Variants in GPR137B observed in about 807,000 individuals in gnomAD.
The protein encoded by GPR137B is G protein-coupled receptor 137B.
GPR137B carries 42 observed loss-of-function variants against 42.5 expected under a neutral mutation model. That is an observed-to-expected ratio of 0.99 (90% CI 0.77 to 1.28). The LOEUF is 1.28. GPR137B is among the 50% of genes most tolerant of loss of function. The pLI, the probability that GPR137B is intolerant of heterozygous loss-of-function variation, is 0.00. For synonymous variants in GPR137B, 218 were observed against 209.7 expected (o/e 1.04, Z -0.34); for missense variants, 487 against 493.9 (o/e 0.99, Z 0.13).
intron 1 of GPR137B, among the ~76,000 whole-genome samples, chr1:236,151,365 T>C (rs891609826): frequency 5.9e-5 from 9 of 152,068 alleles, no homozygotes; most frequent in African/African-American, 2.2e-4. Flanking sequence ...CTCAAGCTTA[T>C]GTGGGTCAGG....
At chr1:236,148,735 G>T (rs1359952544) in intron 1 of GPR137B, among the ~76,000 whole-genome samples, 1 of 152,178 alleles carries the variant, frequency 6.6e-6, no homozygotes, top group African/African-American at 2.4e-5. Context: ...CCAGGGGCTC[G>T]TGGTGAGGGC....
chr1:236,207,096 CTTT>C (rs1419998718), intron 6 of GPR137B: 3 of 973,958 alleles, frequency 3.1e-6, no homozygotes, highest in South Asian at 4.7e-5. Flanking sequence ...CTTTAGAAAA[CTTT>C]TTAAGAGAGC....
chr1:236,200,453 A>G (rs1200916392), intron 5 of GPR137B, among the ~76,000 whole-genome samples: 1 of 151,920 alleles, frequency 6.6e-6, no homozygotes, highest in Non-Finnish European at 1.5e-5. Context: ...TGGAGTACTG[A>G]AGTACCCCAC....
intron 5 of GPR137B, among the ~76,000 whole-genome samples, 171 bp downstream of exon 5, chr1:236,184,077 G>C (rs1662955719): frequency 6.6e-6 from 1 of 152,096 alleles, no homozygotes; most frequent in Admixed American, 6.6e-5. Flanking sequence ...TCTTTTGAGG[G>C]AAAATGGTTT....
intron 2 of GPR137B, among the ~76,000 whole-genome samples, chr1:236,170,659 A>G (rs1662507587): frequency 6.6e-6 from 1 of 152,116 alleles, no homozygotes; most frequent in Non-Finnish European, 1.5e-5. Context: ...TTCAGATTTC[A>G]GATTTTTTTG....
chr1:236,190,807 G>A (rs2102919314), intron 5 of GPR137B, among the ~76,000 whole-genome samples: 1 of 150,158 alleles, frequency 6.7e-6, no homozygotes, highest in East Asian at 1.9e-4. Flanking sequence ...ACGATTATGT[G>A]TCTGACGATT....
chr1:236,195,852 T>C (rs1416475963), intron 5 of GPR137B, among the ~76,000 whole-genome samples: 2 of 152,232 alleles, frequency 1.3e-5, no homozygotes, highest in African/African-American at 4.8e-5. Flanking sequence ...CTGATGATCA[T>C]TGATGAACAC....
At chr1:236,188,087 T>C (rs374319327) in intron 5 of GPR137B, among the ~76,000 whole-genome samples, 2 of 152,306 alleles carry the variant, frequency 1.3e-5, no homozygotes, top group East Asian at 3.9e-4. Flanking sequence ...CTTCTTTTAG[T>C]AGCAGTTGTG....
chr1:236,191,778 A>G (rs1663198301), intron 5 of GPR137B, among the ~76,000 whole-genome samples: 1 of 152,162 alleles, frequency 6.6e-6, no homozygotes, highest in African/African-American at 2.4e-5. Flanking sequence ...ACTGGGAGGT[A>G]TCTCCCAGTC....
chr1:236,145,018 G>A (rs542451742), intron 1 of GPR137B, among the ~76,000 whole-genome samples: 1 of 152,230 alleles, frequency 6.6e-6, no homozygotes, highest in Non-Finnish European at 1.5e-5. Context: ...GGGGCCCAAA[G>A]TCACGGCCCT....
chr1:236,176,897 G>C (rs1403816965), intron 2 of GPR137B, among the ~76,000 whole-genome samples: 2 of 152,120 alleles, frequency 1.3e-5, no homozygotes, highest in Non-Finnish European at 2.9e-5. Context: ...CGTCTGTTTT[G>C]TTATAAACTG....
chr1:236,183,305 A>G (rs930015870), intron 4 of GPR137B, among the ~76,000 whole-genome samples: 10 of 152,250 alleles, frequency 6.6e-5, no homozygotes, highest in African/African-American at 2.2e-4. Flanking sequence ...GGATGAGACT[A>G]AGGGATAATA....
chr1:236,196,575 A>C (rs752597207), intron 5 of GPR137B, among the ~76,000 whole-genome samples: 15 of 152,156 alleles, frequency 9.9e-5, no homozygotes, highest in Non-Finnish European at 1.8e-4. Context: ...AGCATTGTAC[A>C]CTGTACCCAA....
At chr1:236,173,943 C>A (rs565790061) in intron 2 of GPR137B, among the ~76,000 whole-genome samples, 1 of 151,868 alleles carries the variant, frequency 6.6e-6, no homozygotes, top group African/African-American at 2.4e-5. Context: ...AAAAATTATA[C>A]AATAGAAAAA....
intron 5 of GPR137B, among the ~76,000 whole-genome samples, chr1:236,191,491 G>A (rs6696312): frequency 0.01 from 1,569 of 152,250 alleles, 33 homozygotes; most frequent in African/African-American, 0.036. Context: ...ATCTACCTTT[G>A]GTCTTTGATG....
At chr1:236,202,063 C>A (rs1254213) in intron 5 of GPR137B, among the ~76,000 whole-genome samples, 6,874 of 152,072 alleles carry the variant, frequency 0.045, 228 homozygotes, top group Non-Finnish European at 0.067. Context: ...TGGACTGGTG[C>A]TGGGGAATGT....
chr1:236,205,349 T>G, intron 6 of GPR137B, 99 bp downstream of exon 6: 1 of 1,031,114 alleles, frequency 9.7e-7, no homozygotes, highest in Non-Finnish European at 1.5e-6. Flanking sequence ...GTTAAAACTG[T>G]GCAGCCTTAG....
At chr1:236,180,424 T>G (rs1042894441) in intron 4 of GPR137B, among the ~76,000 whole-genome samples, 1 of 152,180 alleles carries the variant, frequency 6.6e-6, no homozygotes, top group Non-Finnish European at 1.5e-5. Flanking sequence ...TGGTCCTTGT[T>G]TCTGCTGGTG....
At chr1:236,189,626 T>G (rs1663132000) in intron 5 of GPR137B, among the ~76,000 whole-genome samples, 1 of 152,200 alleles carries the variant, frequency 6.6e-6, no homozygotes, top group Non-Finnish European at 1.5e-5. Flanking sequence ...TTGTGCAGTT[T>G]TGAGTGAGTT....
Sources: gnomAD v4.1 joint callset for allele counts (sites outside exome capture counted in the v4.1 genomes callset) on GRCh38, gnomAD v4.1.1 for gene constraint, MANE v1.5 for transcripts, NCBI Gene and HGNC (gene_info 2026-07-23, HGNC 2026-07-21) for gene names.